POTEM: variants seen among roughly 807,000 people sequenced by gnomAD.
POTEM encodes POTE ankyrin domain family member M.
For synonymous variants in POTEM, 8 were observed against 113.2 expected (o/e 0.07, Z 5.90); for missense variants, 24 against 343.0 (o/e 0.07, Z 7.35).
intron 1 of POTEM, among the ~76,000 whole-genome samples, chr14:18,968,316 T>C (rs1285578941): frequency 6.6e-6 from 1 of 152,308 alleles, no homozygotes; most frequent in African/African-American, 2.4e-5. Flanking sequence ...AAAACAATGT[T>C]CTATACGTTA....
chr14:18,996,503 C>T (rs1332944727), intron 9 of POTEM, among the ~76,000 whole-genome samples: 3 of 127,124 alleles, frequency 2.4e-5, no homozygotes, highest in African/African-American at 9.7e-5. Context: ...CTCTGTCGCT[C>T]GCATTACCAC....
intron 7 of POTEM, among the ~76,000 whole-genome samples, chr14:18,985,832 G>C (rs540355245): frequency 2.1e-5 from 3 of 143,386 alleles, no homozygotes; most frequent in Admixed American, 6.9e-5. Flanking sequence ...ATGAACCTGG[G>C]GGGTGGAGCT....
chr14:18,968,814 C>G (rs1890826892), intron 1 of POTEM, among the ~76,000 whole-genome samples: 1 of 152,154 alleles, frequency 6.6e-6, no homozygotes. Flanking sequence ...CAGAGCAAGA[C>G]TCCGTCTCAA....
At chr14:18,969,353 A>ATGTG (rs1491189147) in intron 1 of POTEM, among the ~76,000 whole-genome samples, 331 of 99,896 alleles carry the variant, frequency 3.3e-3, no homozygotes, top group South Asian at 0.01. Flanking sequence ...ATATATATAC[A>ATGTG]TGTGTATATA....
rs1466367327 is a variant in POTEM, at chr14:19,002,886, A to C, written c.*4221A>C. ...GACAGCACACAGGAGGGCAGCACAC[A>C]CCCCAACCCACATCAACTGCCATTA... On this transcript the variant is annotated 3_prime_UTR_variant, in exon 11 of 11. Coordinates refer to ENST00000547889, the MANE Select transcript of POTEM (RefSeq NM_001145442.1). Among the ~76,000 whole-genome samples, 1 of 152,294 alleles carries C rather than the reference A, an allele frequency of 6.6e-6. No individual in the cohort carries two copies. The highest frequency in any genetic ancestry group is 1.5e-5 in the Non-Finnish European group (1 of 68,046).
At chr14:18,985,923 A>G (rs1486525236) in intron 7 of POTEM, among the ~76,000 whole-genome samples, 2 of 129,426 alleles carry the variant, frequency 1.5e-5, no homozygotes, top group Non-Finnish European at 3.2e-5. Context: ...AAAAAAAAAA[A>G]AAAAAATATT....
At chr14:18,982,474 A>G (rs1891107800) in intron 6 of POTEM, among the ~76,000 whole-genome samples, 1 of 143,020 alleles carries the variant, frequency 7.0e-6, no homozygotes, top group Admixed American at 7.0e-5. Flanking sequence ...ATGTAAGCAA[A>G]CAGGCATGAC....
chr14:18,982,759 T>TG, intron 6 of POTEM, among the ~76,000 whole-genome samples: 1 of 80,938 alleles, frequency 1.2e-5, no homozygotes, highest in East Asian at 2.7e-4. Context: ...TTGTTTTTTT[T>TG]TTTTTTTGGT....
At chr14:18,985,903 CAAAAAAAAAAAAA>C (rs1162516671) in intron 7 of POTEM, among the ~76,000 whole-genome samples, 1 of 68,972 alleles carries the variant, frequency 1.4e-5, no homozygotes, top group Non-Finnish European at 2.5e-5. Flanking sequence ...GACTCTGTGT[CAAAAAAAAAAAAA>C]AAAAAAAAAA....
In POTEM at chr14:18,967,698, G is replaced by C. The variant is rs1890788371; in HGVS notation, c.213G>C (p.Trp71Cys). The C allele has an allele frequency of 1.9e-6, 3 of 1,610,150 alleles. No individual in the cohort carries two copies. In the East Asian group the frequency reaches 6.7e-5, roughly 36 times the overall value. ...AGTGGTGCCGCCACTGCTTCCCCTG[G>C]TGCAGGGGGAGCGGCAAGAGCAACG... ...MGKWCRHCFP[W>C]CRGSGKSNVG... is the part of the protein sequence containing the mutation. The change falls in exon 1 of 11, where the codon TGG becomes TGC. Residue 71 changes from tryptophan (W) to cysteine (C), a missense_variant. Trp to Cys is a radical substitution (Grantham distance 215, BLOSUM62 -2). Transcript: ENST00000547889.
In POTEM at chr14:18,969,324, T is replaced by C. The variant is rs1234988911; in HGVS notation, c.521+1318T>C. 1.8e-4 allele frequency among the ~76,000 whole-genome samples: 20 copies of C among 113,558 alleles called. No homozygotes were observed. In the East Asian group the frequency reaches 2.3e-3, roughly 13 times the overall value. The allele number at this position is 113,558 out of a possible 152,430, so 74.5% of individuals were successfully genotyped here. ...GTATATACGTATATATATGTATATA[T>C]ATATATATACGTATATACATATATA... is the stretch of plus-strand genomic sequence containing the variant. On this transcript the variant is annotated intron_variant, in intron 1 of 10. Transcript: ENST00000547889.
In POTEM at chr14:18,993,021, TGAG is replaced by T. The variant is rs1296917469; in HGVS notation, c.1410-4016_1410-4014del. On this transcript the variant is annotated intron_variant, in intron 9 of 10. Coordinates refer to ENST00000547889, the MANE Select transcript of POTEM (RefSeq NM_001145442.1). ...AAGTGATTCTCCTGCCTCAGCCACCTGAGGAGATGGGATTACAGGCGCGTGCCA... is the reference window on the plus strand; with the variant it reads ...AAGTGATTCTCCTGCCTCAGCCACCTGAGATGGGATTACAGGCGCGTGCCA... 5.8e-5 allele frequency among the ~76,000 whole-genome samples: 4 copies of T among 68,414 alleles called. 1 individual carries two copies. The highest frequency in any genetic ancestry group is 2.2e-4 in the African/African-American group (3 of 13,838). 44.9% of individuals were successfully genotyped at this position (68,414 alleles called of 152,430 possible). A position where few individuals can be genotyped will look rare whatever the true frequency, so the allele number is the denominator to read the frequency against.
rs1594275311 is a variant in POTEM, at chr14:18,981,415, C to T, written c.1126+1271C>T. Among the ~76,000 whole-genome samples the T allele has an allele frequency of 3.3e-5, 2 of 60,406 alleles. 1 individual carries two copies. 39.6% of individuals were successfully genotyped at this position (60,406 alleles called of 152,430 possible). On this transcript the variant is annotated intron_variant, in intron 6 of 10. Transcript: ENST00000547889. ...TATCATTGTCATTTTCATTATTTTA[C>T]TACTTTATTCAGTGCTTACTGTGTG...
At chr14:18,969,361 A>ATATATATATATATATACATGTG (rs1890854699) in intron 1 of POTEM, among the ~76,000 whole-genome samples, 1 of 77,280 alleles carries the variant, frequency 1.3e-5, no homozygotes, top group Non-Finnish European at 3.5e-5. Context: ...ACATGTGTAT[A>ATATATATATATATATACATGTG]TATATATATA....
chr14:18,968,822 CA>C (rs71222663), intron 1 of POTEM, among the ~76,000 whole-genome samples: 30 of 145,782 alleles, frequency 2.1e-4, no homozygotes, highest in African/African-American at 5.0e-4. Flanking sequence ...GACTCCGTCT[CA>C]AAAAAAAAAA....
intron 1 of POTEM, among the ~76,000 whole-genome samples, chr14:18,969,321 A>ATGTG (rs1193443665): frequency 9.7e-6 from 1 of 103,446 alleles, no homozygotes; most frequent in African/African-American, 4.5e-5. Flanking sequence ...ATATATGTAT[A>ATGTG]TATATATATA....
intron 1 of POTEM, among the ~76,000 whole-genome samples, chr14:18,969,537 AC>A (rs1890862086): frequency 1.8e-5 from 1 of 54,774 alleles, no homozygotes; most frequent in Non-Finnish European, 3.3e-5. Flanking sequence ...GCCTGCCACC[AC>A]GCCTGGCTAA....
At chr14:18,975,401 G>A (rs1321157770) in intron 3 of POTEM, among the ~76,000 whole-genome samples, 1 of 143,520 alleles carries the variant, frequency 7.0e-6, no homozygotes. Flanking sequence ...AATCAGCATG[G>A]CAGTTTTACA....
At chr14:18,990,853 T>C (rs1206866053) in intron 9 of POTEM, among the ~76,000 whole-genome samples, 1 of 25,582 alleles carries the variant, frequency 3.9e-5, no homozygotes, top group Non-Finnish European at 9.9e-5. Context: ...CATTGCTGTT[T>C]CTCATGGCTC....
Sources: gnomAD v4.1 joint callset for allele counts (sites outside exome capture counted in the v4.1 genomes callset) on GRCh38, gnomAD v4.1.1 for gene constraint, MANE v1.5 for transcripts, NCBI Gene and HGNC (gene_info 2026-07-23, HGNC 2026-07-21) for gene names.